HEATR4: variants seen among roughly 807,000 people sequenced by gnomAD.
HEATR4 encodes the protein HEAT repeat containing 4.
HEATR4 carries 95 observed loss-of-function variants against 108.8 expected under a neutral mutation model. The observed-to-expected ratio is 0.87, with a 90% CI of 0.74 to 1.04. The LOEUF (loss-of-function observed/expected upper bound fraction) is 1.04, where lower values mean the gene tolerates loss of function less well. HEATR4 is among the 50% of genes least tolerant of loss of function. The pLI is 0.00. For missense variants in HEATR4, 1,152 were observed against 1,253.8 expected (o/e 0.92, Z 1.23); for synonymous variants, 443 against 459.4 (o/e 0.96, Z 0.46).
chr14:73,542,767 C>T lies in HEATR4; in HGVS notation c.-151-12523G>A, dbSNP rs531295999. Among the ~76,000 whole-genome samples, 6 of 111,490 alleles carry T rather than the reference C, an allele frequency of 5.4e-5. 3 individuals are homozygous for T. In the East Asian group the frequency reaches 4.2e-3, roughly 78 times the overall value. The allele number at this position is 111,490 out of a possible 152,430, so 73.1% of individuals were successfully genotyped here. Reference sequence around the variant, plus strand: ...GTTATGACAGTGGGAATGGGTGGCTCAGGTGGGAGACAGAAAAAGATCATG... The same window carrying T: ...GTTATGACAGTGGGAATGGGTGGCTTAGGTGGGAGACAGAAAAAGATCATG... On this transcript the variant is annotated intron_variant, in intron 1 of 17. Transcript: ENST00000553558.
At position 73,500,295 on chromosome 14, in the gene HEATR4, T is replaced by C. The variant is rs906303984; in HGVS notation, c.2286+255A>G. Among the ~76,000 whole-genome samples, 9 of 150,348 alleles carry C rather than the reference T, an allele frequency of 6.0e-5. No individual in the cohort carries two copies. In the East Asian group the frequency reaches 1.8e-3, roughly 29 times the overall value. ...TGCACGGACCTTTTTTTTTTTTTTTTAGCTCATCAACTATCGTTAGTGTTA... is the reference window on the plus strand; with the variant it reads ...TGCACGGACCTTTTTTTTTTTTTTTCAGCTCATCAACTATCGTTAGTGTTA... On this transcript the variant is annotated intron_variant, in intron 12 of 17. Transcript: ENST00000553558.
chr14:73,509,657 G>T (rs1171741682), intron 7 of HEATR4, among the ~76,000 whole-genome samples, 184 bp from the exon 8 acceptor site: 1 of 151,100 alleles, frequency 6.6e-6, no homozygotes, highest in Non-Finnish European at 1.5e-5. Flanking sequence ...AGGTGTTAAA[G>T]CTCACCTGTG....
Position 73,553,603 on chromosome 14 carries a change from GA to G in HEATR4, c.-152+5147del, listed in dbSNP as rs199705400. Among the ~76,000 whole-genome samples, 781 of 114,416 alleles carry G rather than the reference GA, an allele frequency of 6.8e-3. 183 individuals carry two copies. The highest frequency in any genetic ancestry group is 0.02 in the African/African-American group (720 of 35,560). 75.1% of individuals were successfully genotyped at this position (114,416 alleles called of 152,430 possible). ...TGTGGAGGATACACTTGAAGGGAAT[GA>G]AAAAAAGTATAGGAGACTATTGTTT... On this transcript the variant is annotated intron_variant, in intron 1 of 17. Transcript: ENST00000553558.
At chr14:73,573,056 T>C in the HEATR4 span, among the ~76,000 whole-genome samples, 3 of 151,560 alleles carry the variant, frequency 2.0e-5, no homozygotes, top group Admixed American at 6.6e-5. Flanking sequence ...TCTGTCTCCG[T>C]TGAGTAAGTG....
the HEATR4 span, among the ~76,000 whole-genome samples, chr14:73,631,112 T>C: frequency 6.6e-6 from 1 of 152,194 alleles, no homozygotes; most frequent in Non-Finnish European, 1.5e-5. Context: ...ACATGACAAT[T>C]ATTTATAGAT....
intron 17 of HEATR4, among the ~76,000 whole-genome samples, chr14:73,483,141 C>A (rs73293413): frequency 0.013 from 1,996 of 152,206 alleles, 43 homozygotes; most frequent in African/African-American, 0.043. Context: ...AGGAATTGCA[C>A]ATAGCACTGT....
At chr14:73,592,499 G>A in the HEATR4 span, 1 of 1,394,228 alleles carries the variant, frequency 7.2e-7, no homozygotes, top group Non-Finnish European at 9.4e-7. Flanking sequence ...GCACTGGTTT[G>A]GTTTTGGAGC....
chr14:73,595,604 T>C, the HEATR4 span: 1 of 1,562,514 alleles, frequency 6.4e-7, no homozygotes, highest in Non-Finnish European at 8.7e-7. Context: ...TCTAGCCTTC[T>C]TCTGCAAACA....
At chr14:73,500,046 G>A (rs188995642) in intron 12 of HEATR4, among the ~76,000 whole-genome samples, 1,713 of 152,222 alleles carry the variant, frequency 0.011, 39 homozygotes, top group African/African-American at 0.039. Flanking sequence ...TGGCTAACAC[G>A]GTGAAACCCC....
chr14:73,497,854 G>C (rs1470439315), intron 14 of HEATR4, among the ~76,000 whole-genome samples: 1 of 151,930 alleles, frequency 6.6e-6, no homozygotes, highest in South Asian at 2.1e-4. Flanking sequence ...TCAAACTCCC[G>C]ACCTCAGGTG....
At chr14:73,512,287 G>C (rs1019541182) in intron 6 of HEATR4, 138 bp from the exon 7 acceptor site, 7 of 928,694 alleles carry the variant, frequency 7.5e-6, no homozygotes, top group African/African-American at 1.7e-5. Flanking sequence ...AAAGGGCCCA[G>C]AGATGGGGTC....
chr14:73,560,778 C>T (rs1212535931), upstream of HEATR4, among the ~76,000 whole-genome samples: 1 of 151,922 alleles, frequency 6.6e-6, no homozygotes, highest in Non-Finnish European at 1.5e-5. Flanking sequence ...GATGGCACTA[C>T]TGCACCCCAG....
the HEATR4 span, among the ~76,000 whole-genome samples, chr14:73,570,976 CTTTT>C: frequency 1.1e-3 from 79 of 74,366 alleles, 1 homozygote; most frequent in Middle Eastern, 6.6e-3. Context: ...TAGGAAGCCA[CTTTT>C]TTTTTTTTTT....
chr14:73,539,953 G>A (rs1398430611), intron 1 of HEATR4, among the ~76,000 whole-genome samples: 2 of 116,088 alleles, frequency 1.7e-5, no homozygotes, highest in African/African-American at 5.6e-5. Flanking sequence ...GGAAATTTGA[G>A]GTTACTGGAT....
chr14:73,567,682 C>G, the HEATR4 span: 1 of 152,052 alleles, frequency 6.6e-6, no homozygotes, highest in South Asian at 2.1e-4. Context: ...CACAATAAAC[C>G]TTGCTACTGC....
intron 5 of HEATR4, among the ~76,000 whole-genome samples, chr14:73,515,283 T>C (rs1449042240): frequency 6.6e-6 from 1 of 152,210 alleles, no homozygotes; most frequent in Non-Finnish European, 1.5e-5. Flanking sequence ...TTTCTGTTTT[T>C]TTCCAAGATT....
At chr14:73,616,536 T>A in the HEATR4 span, among the ~76,000 whole-genome samples, 1 of 151,746 alleles carries the variant, frequency 6.6e-6, no homozygotes, top group Admixed American at 6.6e-5. Flanking sequence ...CTACTAAAAA[T>A]ACAAAAAAAA....
the HEATR4 span, among the ~76,000 whole-genome samples, chr14:73,590,829 C>T: frequency 6.7e-3 from 1,016 of 152,256 alleles, 5 homozygotes; most frequent in Middle Eastern, 0.027. Flanking sequence ...CCACACCTCC[C>T]AGTAAGCTGA....
chr14:73,492,047 A>G lies in HEATR4; in HGVS notation c.2844+1019T>C, dbSNP rs761852553. 7.4e-6 allele frequency: 12 copies of G among 1,613,948 alleles called. 2 individuals are homozygous for G. The South Asian group carries it at 1.3e-4, about 18-fold the overall frequency. Reference sequence around the variant, plus strand: ...GGGCTTTGCCCCCCACTACGACGACATCGAGGCCTTCGTGCTGCAGCTGGA... The same window carrying G: ...GGGCTTTGCCCCCCACTACGACGACGTCGAGGCCTTCGTGCTGCAGCTGGA... On this transcript the variant is annotated intron_variant, in intron 17 of 17. Transcript: ENST00000553558. The surrounding 1 kb of genome is among the most constrained non-coding windows in gnomAD (Gnocchi z 4.9).
Sources: gnomAD v4.1 joint callset for allele counts (sites outside exome capture counted in the v4.1 genomes callset) on GRCh38, gnomAD v4.1.1 for gene constraint, Gnocchi (gnomAD v3.1) non-coding constraint, MANE v1.5 for transcripts, NCBI Gene and HGNC (gene_info 2026-07-23, HGNC 2026-07-21) for gene names.